Variants in PLIN5 observed in about 807,000 individuals in gnomAD.
The protein encoded by PLIN5 is perilipin 5, also known as perilipin-5.
In PLIN5, 34 loss-of-function variants were observed where a neutral mutation model predicts 32.8. The observed-to-expected ratio is 1.04, with a 90% CI of 0.79 to 1.38. The LOEUF (loss-of-function observed/expected upper bound fraction) is 1.38, where lower values mean the gene tolerates loss of function less well. Among genes scored for constraint, PLIN5 ranks in the 40% most tolerant of loss-of-function variants. The pLI is 0.00. For synonymous variants in PLIN5, 309 were observed against 292.9 expected (o/e 1.05, Z -0.56); for missense variants, 712 against 660.5 (o/e 1.08, Z -0.85).
At chr19:4,529,567 CGTATA>C (rs1159766689) in intron 4 of PLIN5, 2 of 478,786 alleles carry the variant, frequency 4.2e-6, no homozygotes, top group African/African-American at 4.3e-5. Flanking sequence ...TATACTTATA[CGTATA>C]TATACATATA....
At position 4,525,539 on chromosome 19, in the gene PLIN5, G is replaced by T. The variant is rs1976789272; in HGVS notation, c.720+94C>A. ...ACAGCTGCACCCAGCTCCGCCTCCT[G>T]CTTTAGGCTAGCACGGGATCCGGTA... On this transcript the variant is annotated intron_variant, in intron 6 of 7. Coordinates refer to ENST00000381848, the MANE Select transcript of PLIN5 (RefSeq NM_001013706.3). The surrounding 1 kb of genome is among the most constrained non-coding windows in gnomAD (Gnocchi z 5.6). 6.8e-7 allele frequency: 1 copy of T among 1,479,396 alleles called. No homozygotes were observed. Among genetic ancestry groups the T allele is most frequent in the Non-Finnish European group, 9.2e-7 (1 of 1,089,188 alleles). 91.6% of individuals were successfully genotyped at this position (1,479,396 alleles called of 1,614,324 possible).
chr19:4,529,741 C>G, intron 4 of PLIN5, 43 bp downstream of exon 4: 2 of 1,395,006 alleles, frequency 1.4e-6, no homozygotes, highest in Non-Finnish European at 2.0e-6. Context: ...TCTAATCTGG[C>G]CTGCCCCCAC....
At position 4,525,184 on chromosome 19, in the gene PLIN5, C is replaced by T. The variant is rs944254057; in HGVS notation, c.721-108G>A. The T allele has an allele frequency of 5.7e-6, 4 of 696,310 alleles. No homozygotes were observed. The highest frequency in any genetic ancestry group is 3.1e-5 in the East Asian group (1 of 32,140). The allele number at this position is 696,310 out of a possible 1,614,324, so 43.1% of individuals were successfully genotyped here. A position where few individuals can be genotyped will look rare whatever the true frequency, so the allele number is the denominator to read the frequency against. ...TGGCCTCAGTAAGCATTTAGGAGAC[C>T]GAGGCAGGTTGTGCAGGGCCGTGGG... On this transcript the variant is annotated intron_variant, in intron 6 of 7. Coordinates refer to ENST00000381848, the MANE Select transcript of PLIN5 (RefSeq NM_001013706.3). The surrounding 1 kb of genome is among the most constrained non-coding windows in gnomAD (Gnocchi z 5.6).
At chr19:4,527,368 G>A (rs1487886415) in intron 5 of PLIN5, among the ~76,000 whole-genome samples, 2 of 150,108 alleles carry the variant, frequency 1.3e-5, no homozygotes, top group African/African-American at 4.9e-5. Context: ...CACCGCGCCC[G>A]GCCTAAAAAA....
At chr19:4,526,660 C>T (rs1776035599) in intron 5 of PLIN5, among the ~76,000 whole-genome samples, 1 of 150,644 alleles carries the variant, frequency 6.6e-6, no homozygotes, top group Non-Finnish European at 1.5e-5. Context: ...CTAGCTTAGG[C>T]AATACAGCAA....
chr19:4,526,778 A>G (rs1032645873), intron 5 of PLIN5, among the ~76,000 whole-genome samples: 1 of 151,760 alleles, frequency 6.6e-6, no homozygotes, highest in Non-Finnish European at 1.5e-5. Context: ...GGATCAATTG[A>G]GCTCAGGAAT....
intron 2 of PLIN5, chr19:4,533,651 CGGTT>C: frequency 2.3e-6 from 1 of 431,048 alleles, no homozygotes; most frequent in East Asian, 3.4e-5. Flanking sequence ...ATACATGAAA[CGGTT>C]GGAACTGTGA....
rs983222046 is a variant in PLIN5, at chr19:4,525,870, T to C, written c.521-38A>G. On this transcript the variant is annotated intron_variant, in intron 5 of 7. Transcript: ENST00000381848. This position sits in a 1 kb window ranked among gnomAD's most constrained non-coding sequence, Gnocchi z 5.6. ...ATACGGGGACAGCACGGGGACAGGA[T>C]ACGGGGACAGCACGGGGACAGGATA... The C allele has an allele frequency of 1.8e-5, 25 of 1,400,968 alleles. No homozygotes were observed. In the African/African-American group the frequency reaches 4.8e-4, roughly 27 times the overall value. 86.8% of individuals were successfully genotyped at this position (1,400,968 alleles called of 1,614,324 possible).
At chr19:4,524,189 C>T in intron 7 of PLIN5, 104 bp from the exon 8 acceptor site, 3 of 1,117,982 alleles carry the variant, frequency 2.7e-6, no homozygotes, top group South Asian at 1.9e-5. Flanking sequence ...CAACCTGTCT[C>T]ATAGACCTCA....
chr19:4,525,757 A>C lies in PLIN5; in HGVS notation c.596T>G (p.Val199Gly). ...CCGTGCTGACAGGGAGCCGAGGCGC[A>C]CAAAGTAGCCCTGCTGTCTCCTCTG... ...EDQRRQQGYF[V>G]RLGSLSARIR... Residue 199 changes from valine (V) to glycine (G), a missense_variant, in exon 6 of 8, where the codon GTG (valine) becomes GGG (glycine). Coordinates refer to ENST00000381848, the MANE Select transcript of PLIN5 (RefSeq NM_001013706.3). This position sits in a 1 kb window ranked among gnomAD's most constrained non-coding sequence, Gnocchi z 5.6. 1 of 1,613,616 alleles carries C rather than the reference A, an allele frequency of 6.2e-7. No individual in the cohort carries two copies. Among genetic ancestry groups the C allele is most frequent in the Non-Finnish European group, 8.5e-7 (1 of 1,180,028 alleles).
rs750635837 is a variant in PLIN5, at chr19:4,529,212, C to G, written c.381G>C (p.Thr127=). The change falls in exon 5 of 8, where the codon ACG becomes ACC. Residue 127 remains threonine, a synonymous_variant. Transcript: ENST00000381848. The part of the protein sequence containing the change: ...SAKDVVASSV[T]GVVDLARRGR... ...CCCTCCGGGCCAGGTCCACCACACC[C>G]GTGACACTGCTGGCCACCACGTCCT... The G allele has an allele frequency of 6.2e-7, 1 of 1,611,730 alleles. No individual in the cohort carries two copies. Among genetic ancestry groups the G allele is most frequent in the Non-Finnish European group, 8.5e-7 (1 of 1,179,230 alleles).
intron 3 of PLIN5, among the ~76,000 whole-genome samples, chr19:4,531,313 A>AT (rs200513383): frequency 0.012 from 1,779 of 150,226 alleles, 43 homozygotes; most frequent in African/African-American, 0.04. Flanking sequence ...TTAAAAAAAA[A>AT]ATTTTTTTTT....
Position 4,523,898 on chromosome 19 carries a change from G to T in PLIN5, c.1022C>A (p.Ala341Glu), listed in dbSNP as rs369891770. The change falls in exon 8 of 8, where the codon GCG (alanine) becomes GAG (glutamate). Residue 341 changes from alanine (A) to glutamate (E), a missense_variant. By Grantham distance (107) the Ala-to-Glu change is moderately radical. Transcript: ENST00000381848. This position sits in a 1 kb window ranked among gnomAD's most constrained non-coding sequence, Gnocchi z 5.0. ...ADARCFRDVP[A>E]AALAEGRGRV... ...ACCCCGGCCCTCGGCCAGCGCGGCCGCTGGCACGTCCCTGAAGCAGCGGGC... is the reference window on the plus strand; with the variant it reads ...ACCCCGGCCCTCGGCCAGCGCGGCCTCTGGCACGTCCCTGAAGCAGCGGGC... 14 of 1,517,072 alleles carry T rather than the reference G, an allele frequency of 9.2e-6. No homozygotes were observed. The highest frequency in any genetic ancestry group is 1.2e-5 in the South Asian group (1 of 80,888). The allele number at this position is 1,517,072 out of a possible 1,614,324, so 94.0% of individuals were successfully genotyped here. A position where few individuals can be genotyped will look rare whatever the true frequency, so the allele number is the denominator to read the frequency against.
intron 2 of PLIN5, chr19:4,533,006 G>C (rs1280719467): frequency 1.3e-5 from 2 of 151,760 alleles, no homozygotes. Context: ...GGTTGAAAAA[G>C]GTCTGCATAC....
chr19:4,534,191 G>GA lies in PLIN5; in HGVS notation c.-21-97_-21-96insT, dbSNP rs1428131169. ...TTGAGCAACTCTCAAACCTCTTGGG[G>GA]CCTCAGTTTCTTCATCTGCATAATG... On this transcript the variant is annotated intron_variant, in intron 1 of 7. Coordinates refer to ENST00000381848, the MANE Select transcript of PLIN5 (RefSeq NM_001013706.3). 4.8e-6 allele frequency: 5 copies of GA among 1,035,822 alleles called. No individual in the cohort carries two copies. In the African/African-American group the frequency reaches 8.0e-5, roughly 16 times the overall value. 64.2% of individuals were successfully genotyped at this position (1,035,822 alleles called of 1,614,324 possible).
At position 4,522,785 on chromosome 19, in the gene PLIN5, C is replaced by G. The variant is rs1448447596; in HGVS notation, c.*743G>C. On this transcript the variant is annotated 3_prime_UTR_variant, in exon 8 of 8. Coordinates refer to ENST00000381848, the MANE Select transcript of PLIN5 (RefSeq NM_001013706.3). ...GCAGCCTCCAACTCCTGGGCTCAAG[C>G]AGTCCTCCCACCTTGGCCTCCCAAA... 1 of 151,448 alleles carries G rather than the reference C, an allele frequency of 6.6e-6. No individual in the cohort carries two copies. The highest frequency in any genetic ancestry group is 2.4e-5 in the African/African-American group (1 of 41,090). 9.4% of individuals were successfully genotyped at this position (151,448 alleles called of 1,614,324 possible). A position where few individuals can be genotyped will look rare whatever the true frequency, so the allele number is the denominator to read the frequency against.
At chr19:4,529,914 G>T (rs747269189) in intron 3 of PLIN5, 48 bp from the exon 4 acceptor site, 2 of 1,265,206 alleles carry the variant, frequency 1.6e-6, no homozygotes, top group South Asian at 2.8e-5. Flanking sequence ...CGCAGAGGGA[G>T]ATAGGGACGC....
chr19:4,525,352 TGAG>T lies in PLIN5; in HGVS notation c.720+278_721-277del, dbSNP rs1976787762. ...AGAGCTGAGGATGGGAGGATTCTGATGAGGAGGAAGGCTCTCTTCTGACCTACC... is the reference window on the plus strand; with the variant it reads ...AGAGCTGAGGATGGGAGGATTCTGATGAGGAAGGCTCTCTTCTGACCTACC... On this transcript the variant is annotated intron_variant, in intron 6 of 7. Coordinates refer to ENST00000381848, the MANE Select transcript of PLIN5 (RefSeq NM_001013706.3). This position sits in a 1 kb window ranked among gnomAD's most constrained non-coding sequence, Gnocchi z 5.6. 4.6e-5 allele frequency among the ~76,000 whole-genome samples: 7 copies of T among 152,152 alleles called. 1 individual carries two copies. The South Asian group carries it at 1.5e-3, about 32-fold the overall frequency.
Position 4,531,659 on chromosome 19 carries a change from G to T in PLIN5, c.224C>A (p.Ala75Asp). 6.5e-7 allele frequency: 1 copy of T among 1,537,142 alleles called. No individual in the cohort carries two copies. Among genetic ancestry groups the T allele is most frequent in the South Asian group, 1.2e-5 (1 of 83,212 alleles). The change falls in exon 3 of 8, where the codon GCC becomes GAC. Residue 75 changes from alanine (A) to aspartate (D), a missense_variant. By Grantham distance (126) the Ala-to-Asp change is moderately radical. Transcript: ENST00000381848. ...CGLTTRALDH[A>D]QPLLEHLQPQ... Reference sequence around the variant, plus strand: ...CTGCAGGTGCTCGAGCAGCGGCTGGGCGTGGTCCAGGGCACGGGTGGTCAG... The same window carrying T: ...CTGCAGGTGCTCGAGCAGCGGCTGGTCGTGGTCCAGGGCACGGGTGGTCAG...
Sources: gnomAD v4.1 joint callset for allele counts (sites outside exome capture counted in the v4.1 genomes callset) on GRCh38, gnomAD v4.1.1 for gene constraint, Gnocchi (gnomAD v3.1) non-coding constraint, MANE v1.5 for transcripts, NCBI Gene and HGNC (gene_info 2026-07-23, HGNC 2026-07-21) for gene names.